SOX5: variants seen among roughly 807,000 people sequenced by gnomAD.
SOX5 encodes the protein transcription factor SOX-5.
SOX5 carries 9 observed loss-of-function variants against 92.0 expected under a neutral mutation model. The observed-to-expected ratio is 0.10, with a 90% CI of 0.06 to 0.17. SOX5 has a LOEUF of 0.17. SOX5 is among the 10% of genes least tolerant of loss of function. The pLI, the probability that SOX5 is intolerant of heterozygous loss-of-function variation, is 1.00. For synonymous variants in SOX5, 344 were observed against 336.3 expected, an observed-to-expected ratio of 1.02 and a Z score of -0.25; for missense variants, 642 against 944.5, an observed-to-expected ratio of 0.68 and a Z score of 4.20.
intron 3 of SOX5, among the ~76,000 whole-genome samples, chr12:23,824,417 A>G (rs2096187702): frequency 6.6e-6 from 1 of 152,200 alleles, no homozygotes; most frequent in Non-Finnish European, 1.5e-5. Context: ...GGTCCACTCC[A>G]GACCCTGTTT....
intron 4 of SOX5, among the ~76,000 whole-genome samples, chr12:24,174,704 C>T (rs1356462092): frequency 2.6e-5 from 4 of 151,960 alleles, no homozygotes; most frequent in African/African-American, 2.4e-5. Flanking sequence ...GCCTGTAATC[C>T]CAGCTGCTCA....
intron 1 of SOX5, among the ~76,000 whole-genome samples, chr12:24,427,058 A>C (rs1966841378): frequency 6.6e-6 from 1 of 152,170 alleles, no homozygotes; most frequent in Admixed American, 6.5e-5. Flanking sequence ...TCACTTGAGG[A>C]AGTCTCCTTG....
intron 2 of SOX5, among the ~76,000 whole-genome samples, chr12:24,314,885 T>C (rs753504110): frequency 6.6e-6 from 1 of 152,240 alleles, no homozygotes; most frequent in Admixed American, 6.5e-5. Flanking sequence ...TAGAACCTAG[T>C]TGGCAGAGAG....
At chr12:24,032,666 G>A (rs1044942992) in intron 4 of SOX5, among the ~76,000 whole-genome samples, 20 of 151,756 alleles carry the variant, frequency 1.3e-4, no homozygotes, top group Non-Finnish European at 5.9e-5. Context: ...GCCATGCCAG[G>A]TAAGTACCAG....
intron 3 of SOX5, among the ~76,000 whole-genome samples, chr12:24,231,412 T>C (rs563842826): frequency 6.6e-6 from 1 of 152,288 alleles, no homozygotes; most frequent in Admixed American, 6.5e-5. Context: ...AGCTCAATCA[T>C]AAACTCAACT....
intron 6 of SOX5, among the ~76,000 whole-genome samples, chr12:23,674,336 A>ATTTTTTT (rs34975795): frequency 0.015 from 1,415 of 97,254 alleles, 128 homozygotes; most frequent in African/African-American, 0.023. Context: ...ATAAAAAGGA[A>ATTTTTTT]TTTTTTTTTT....
chr12:23,598,849 A>G (rs1465919178), intron 9 of SOX5, among the ~76,000 whole-genome samples: 1 of 152,154 alleles, frequency 6.6e-6, no homozygotes, highest in Non-Finnish European at 1.5e-5. Context: ...ATTATAAAAC[A>G]TTGTCTCAAA....
intron 2 of SOX5, among the ~76,000 whole-genome samples, chr12:23,848,060 C>T (rs541235904): frequency 5.3e-5 from 8 of 152,198 alleles, no homozygotes; most frequent in African/African-American, 1.9e-4. Flanking sequence ...TGCGAAACCT[C>T]TGTACTAATT....
intron 13 of SOX5, among the ~76,000 whole-genome samples, chr12:23,540,412 A>G (rs1428744670): frequency 6.7e-6 from 1 of 150,276 alleles, no homozygotes; most frequent in Non-Finnish European, 1.5e-5. Flanking sequence ...TAAAAAGCAG[A>G]GAAGGACAAT....
chr12:23,841,922 T>C (rs2096522950), intron 3 of SOX5, among the ~76,000 whole-genome samples: 1 of 151,994 alleles, frequency 6.6e-6, no homozygotes, highest in African/African-American at 2.4e-5. Flanking sequence ...TTCTATGCAT[T>C]TGCACATATA....
At chr12:24,180,033 C>T (rs569916005) in intron 4 of SOX5, among the ~76,000 whole-genome samples, 42 of 151,994 alleles carry the variant, frequency 2.8e-4, no homozygotes, top group African/African-American at 9.2e-4. Flanking sequence ...CATCCTCGAC[C>T]TCCCAGGCTC....
At chr12:24,385,438 T>C (rs954065743) in intron 1 of SOX5, among the ~76,000 whole-genome samples, 13 of 152,170 alleles carry the variant, frequency 8.5e-5, no homozygotes, top group African/African-American at 3.1e-4. Flanking sequence ...TTAACAGTAT[T>C]TTCAATTTAC....
chr12:24,033,773 T>C (rs1425168539), intron 4 of SOX5, among the ~76,000 whole-genome samples: 2 of 151,954 alleles, frequency 1.3e-5, no homozygotes, highest in Non-Finnish European at 2.9e-5. Flanking sequence ...ATCACAAGGG[T>C]CTGGAATCAG....
chr12:23,748,321 A>C (rs2094064676), intron 4 of SOX5, among the ~76,000 whole-genome samples: 1 of 152,092 alleles, frequency 6.6e-6, no homozygotes, highest in Non-Finnish European at 1.5e-5. Flanking sequence ...AATAAACTTA[A>C]GAACAAAGAA....
At chr12:24,418,750 A>G (rs530437579) in intron 1 of SOX5, among the ~76,000 whole-genome samples, 4 of 152,234 alleles carry the variant, frequency 2.6e-5, no homozygotes, top group African/African-American at 7.2e-5. Context: ...AAATACCCCA[A>G]TTTCTTCTAA....
chr12:24,081,312 T>G, intron 4 of SOX5, among the ~76,000 whole-genome samples: 1 of 152,114 alleles, frequency 6.6e-6, no homozygotes, highest in East Asian at 1.9e-4. Context: ...TTAAATATGT[T>G]TGACTGCTAT....
At chr12:23,983,861 T>C (rs541779871) in intron 4 of SOX5, among the ~76,000 whole-genome samples, 3 of 152,274 alleles carry the variant, frequency 2.0e-5, no homozygotes, top group African/African-American at 4.8e-5. Context: ...TCTAAATATA[T>C]TTTAAGGTAA....
rs1946590186 is a variant in SOX5, at chr12:23,958,998, C to T, written c.-1-62974G>A. ...ACAAAATATCTATGATGAACTCATT[C>T]ACATACAAGACCTATTTAAAGAAAG... On this transcript the variant is annotated intron_variant, in intron 4 of 4. Transcript: ENST00000446891. 2.6e-5 allele frequency among the ~76,000 whole-genome samples: 4 copies of T among 151,882 alleles called. No individual in the cohort carries two copies. In the South Asian group the frequency reaches 8.3e-4, roughly 32 times the overall value.
At chr12:24,385,942 AAAAGAG>A (rs983802866) in intron 1 of SOX5, among the ~76,000 whole-genome samples, 7 of 150,434 alleles carry the variant, frequency 4.7e-5, no homozygotes, top group East Asian at 1.9e-4. Context: ...AAAAAAAAAA[AAAAGAG>A]AGAGAGATTT....
Sources: allele counts gnomAD v4.1 joint callset (sites outside exome capture counted in the v4.1 genomes callset), GRCh38; gene constraint gnomAD v4.1.1; transcripts MANE v1.5; gene names NCBI Gene and HGNC (gene_info 2026-07-23, HGNC 2026-07-21).